The following NELL1 variants were observed in gnomAD, a reference collection of about 807,000 sequenced individuals.
The protein encoded by NELL1 is neural EGFL like 1.
A neutral mutation model predicts 107.4 loss-of-function variants in NELL1; 76 were observed. That is an observed-to-expected ratio of 0.71 (90% CI 0.59 to 0.86). The LOEUF (loss-of-function observed/expected upper bound fraction) is 0.86, where lower values mean the gene tolerates loss of function less well. Among genes scored for constraint, NELL1 ranks in the 40% least tolerant of loss-of-function variants. The probability of loss-of-function intolerance (pLI) is 0.00; values close to 1 mark genes in which losing one functional copy is unlikely to be tolerated. For missense variants in NELL1, 1,024 were observed against 1,005.5 expected (o/e 1.02, Z -0.25); for synonymous variants, 353 against 341.2 (o/e 1.03, Z -0.38).
intron 12 of NELL1, among the ~76,000 whole-genome samples, chr11:21,086,140 G>T (rs1456931042): frequency 2.6e-5 from 4 of 152,204 alleles, no homozygotes; most frequent in African/African-American, 9.6e-5. Context: ...CTCATCCCTT[G>T]TAGGCAGGGG....
intron 14 of NELL1, among the ~76,000 whole-genome samples, chr11:21,308,272 C>T (rs1222811090): frequency 2.0e-5 from 3 of 151,916 alleles, no homozygotes; most frequent in Non-Finnish European, 2.9e-5. Flanking sequence ...AATGTAGAAA[C>T]TGTTAAAGAA....
At chr11:20,736,035 G>C (rs1372521655) in intron 2 of NELL1, among the ~76,000 whole-genome samples, 2 of 152,108 alleles carry the variant, frequency 1.3e-5, no homozygotes, top group Non-Finnish European at 2.9e-5. Context: ...TTGGCATCAG[G>C]AGGAAAGGGA....
chr11:21,421,275 T>C (rs1852662407), intron 15 of NELL1, among the ~76,000 whole-genome samples: 1 of 152,114 alleles, frequency 6.6e-6, no homozygotes, highest in African/African-American at 2.4e-5. Context: ...CGTAACTATT[T>C]TGAAACTCTG....
intron 5 of NELL1, among the ~76,000 whole-genome samples, chr11:20,908,537 A>C (rs971688043): frequency 1.3e-5 from 2 of 152,048 alleles, no homozygotes; most frequent in African/African-American, 4.8e-5. Context: ...GGGGAACATC[A>C]CACACTGGGG....
intron 14 of NELL1, among the ~76,000 whole-genome samples, chr11:21,290,087 G>C (rs10833494): frequency 0.88 from 133,990 of 152,140 alleles, 59,733 homozygotes; most frequent in Non-Finnish European, 0.95. Flanking sequence ...TAAATATTCC[G>C]GGCTGGACGC....
At chr11:20,958,622 G>A (rs1851227275) in intron 11 of NELL1, among the ~76,000 whole-genome samples, 1 of 152,156 alleles carries the variant, frequency 6.6e-6, no homozygotes, top group African/African-American at 2.4e-5. Flanking sequence ...TAAGTATGAA[G>A]ATAGTCTAAA....
chr11:20,766,946 G>A (rs1331894053), intron 2 of NELL1, among the ~76,000 whole-genome samples: 3 of 152,242 alleles, frequency 2.0e-5, no homozygotes, highest in East Asian at 3.9e-4. Context: ...GTTTCACTGT[G>A]TTGGCCAGGC....
At chr11:21,190,578 A>C (rs1003927353) in intron 13 of NELL1, among the ~76,000 whole-genome samples, 1 of 151,756 alleles carries the variant, frequency 6.6e-6, no homozygotes, top group African/African-American at 2.4e-5. Context: ...AGAATTTCCT[A>C]GCATGTTGCA....
chr11:21,046,265 G>T (rs939826948), intron 12 of NELL1, among the ~76,000 whole-genome samples: 32 of 152,184 alleles, frequency 2.1e-4, no homozygotes, highest in African/African-American at 7.5e-4. Flanking sequence ...TCTTATTCTG[G>T]TGGCTTTTAA....
At chr11:20,859,605 C>T (rs994331729) in intron 4 of NELL1, among the ~76,000 whole-genome samples, 5 of 152,128 alleles carry the variant, frequency 3.3e-5, no homozygotes, top group Admixed American at 2.6e-4. Context: ...TTTTGATATT[C>T]GCTACCTCAA....
intron 14 of NELL1, among the ~76,000 whole-genome samples, chr11:21,327,769 A>G (rs1850178802): frequency 6.6e-6 from 1 of 152,146 alleles, no homozygotes; most frequent in South Asian, 2.1e-4. Context: ...GATATGGACA[A>G]TGAAGTCCAT....
chr11:21,353,324 T>A (rs1314627653), intron 14 of NELL1, among the ~76,000 whole-genome samples: 2 of 152,308 alleles, frequency 1.3e-5, no homozygotes, highest in East Asian at 3.9e-4. Context: ...TCCCTTGTCA[T>A]TTAAACTTCA....
At chr11:21,029,391 G>A (rs183655952) in intron 12 of NELL1, among the ~76,000 whole-genome samples, 189 of 152,102 alleles carry the variant, frequency 1.2e-3, no homozygotes, top group Non-Finnish European at 1.6e-3. Context: ...TAACACACTT[G>A]TTTTGTTGTG....
At chr11:20,994,212 C>T (rs967350031) in intron 12 of NELL1, among the ~76,000 whole-genome samples, 1 of 152,172 alleles carries the variant, frequency 6.6e-6, no homozygotes, top group African/African-American at 2.4e-5. Context: ...TATTTCCTCC[C>T]CATACAGCAC....
chr11:20,969,265 G>A (rs1160183374), intron 12 of NELL1, among the ~76,000 whole-genome samples: 3 of 151,978 alleles, frequency 2.0e-5, no homozygotes, highest in African/African-American at 7.2e-5. Flanking sequence ...ATGTCTCAAG[G>A]TGACCCATCT....
chr11:21,524,299 G>A (rs572601573), intron 15 of NELL1, among the ~76,000 whole-genome samples: 24 of 152,250 alleles, frequency 1.6e-4, no homozygotes, highest in African/African-American at 5.5e-4. Context: ...AAATGGAGTT[G>A]TGAATATAAA....
At chr11:21,182,803 T>C (rs1220699162) in intron 13 of NELL1, among the ~76,000 whole-genome samples, 1 of 151,848 alleles carries the variant, frequency 6.6e-6, no homozygotes, top group East Asian at 1.9e-4. Flanking sequence ...CCAGCTGATA[T>C]TGTTATCTGA....
intron 15 of NELL1, among the ~76,000 whole-genome samples, chr11:21,429,661 A>G (rs1235403372): frequency 4.6e-5 from 7 of 152,196 alleles, no homozygotes; most frequent in Non-Finnish European, 5.9e-5. Context: ...TTTGAGGAGA[A>G]AAATATATTA....
chr11:21,553,640 C>A (rs552945706), intron 16 of NELL1, among the ~76,000 whole-genome samples: 1 of 151,696 alleles, frequency 6.6e-6, no homozygotes, highest in Non-Finnish European at 1.5e-5. Flanking sequence ...AGCAAGGGTT[C>A]TTTTTCAACC....
Sources: allele counts gnomAD v4.1 joint callset (sites outside exome capture counted in the v4.1 genomes callset), GRCh38; gene constraint gnomAD v4.1.1; transcripts MANE v1.5; gene names NCBI Gene and HGNC (gene_info 2026-07-23, HGNC 2026-07-21).